The following ADSS1 variants were observed in gnomAD, a reference collection of about 807,000 sequenced individuals.
ADSS1 encodes the protein adenylosuccinate synthetase isozyme 1.
ADSS1 carries 57 observed loss-of-function variants against 59.1 expected under a neutral mutation model. That is an observed-to-expected ratio of 0.97 (90% CI 0.78 to 1.20). The LOEUF is 1.20. Ranked by LOEUF, ADSS1 falls within the 50% of genes most tolerant of loss-of-function variation. The probability of loss-of-function intolerance (pLI) is 0.00; values close to 1 mark genes in which losing one functional copy is unlikely to be tolerated. For synonymous variants in ADSS1, 247 were observed against 249.4 expected (o/e 0.99, Z 0.09); for missense variants, 603 against 610.3 (o/e 0.99, Z 0.13).
chr14:104,735,101 A>G lies in ADSS1; in HGVS notation c.274A>G (p.Thr92Ala). ...CCTGCTGCCCAGCGGCATCATCAAC[A>G]CCAAGGCCGTGTCCTTCATTGGTGA... is the stretch of plus-strand genomic sequence containing the variant. ...FHLLPSGIIN[T>A]KAVSFIGNGV... Residue 92 changes from threonine (T) to alanine (A), a missense_variant, in exon 2 of 13, where the codon ACC becomes GCC. Thr to Ala is a moderately conservative substitution (Grantham distance 58). Transcript: ENST00000330877. 6.2e-7 allele frequency: 1 copy of G among 1,611,806 alleles called. No homozygotes were observed. Among genetic ancestry groups the G allele is most frequent in the Non-Finnish European group, 8.5e-7 (1 of 1,178,838 alleles).
At chr14:104,730,573 T>G (rs1043050378) in intron 1 of ADSS1, among the ~76,000 whole-genome samples, 1 of 152,082 alleles carries the variant, frequency 6.6e-6, no homozygotes, top group Non-Finnish European at 1.5e-5. Context: ...ATAGATGATA[T>G]GGAGAGAGGT....
At chr14:104,730,291 C>G (rs945828975) in intron 1 of ADSS1, 4 of 1,364,878 alleles carry the variant, frequency 2.9e-6, no homozygotes, top group Non-Finnish European at 3.9e-6. Context: ...GTCAGGAGTT[C>G]AAGACCAGCC....
At chr14:104,724,645 C>G (rs1890668676) in intron 1 of ADSS1, among the ~76,000 whole-genome samples, 183 bp downstream of exon 1, 1 of 151,992 alleles carries the variant, frequency 6.6e-6, no homozygotes, top group South Asian at 2.1e-4. Flanking sequence ...ACACAACCCC[C>G]GACCCACACA....
chr14:104,735,077 C>G lies in ADSS1; in HGVS notation c.250C>G (p.Leu84Val), dbSNP rs1227168310. 6.2e-7 allele frequency: 1 copy of G among 1,613,340 alleles called. No individual in the cohort carries two copies. The highest frequency in any genetic ancestry group is 8.5e-7 in the Non-Finnish European group (1 of 1,179,698). Residue 84 changes from leucine to valine, a missense_variant, in exon 2 of 13, where the codon CTG (leucine) becomes GTG (valine). By Grantham distance (32) the Leu-to-Val change is conservative. Transcript: ENST00000330877. ...GGATGGGAAAGAGTACGACTTCCAC[C>G]TGCTGCCCAGCGGCATCATCAACAC... is the stretch of plus-strand genomic sequence containing the variant. Reference protein sequence around the residue: ...VVDGKEYDFHLLPSGIINTKA... With the variant: ...VVDGKEYDFHVLPSGIINTKA...
chr14:104,730,207 G>A lies in ADSS1; in HGVS notation c.193-4813G>A, dbSNP rs1366798299. On this transcript the variant is annotated intron_variant, in intron 1 of 12. Transcript: ENST00000330877. ...GAGCCGGATCCTTAACACCTGGAGG[G>A]GAGCGGGTGGGTGCGGTGGCGTACA... 3 of 1,512,838 alleles carry A rather than the reference G, an allele frequency of 2.0e-6. No individual in the cohort carries two copies. Among genetic ancestry groups the A allele is most frequent in the Non-Finnish European group, 2.7e-6 (3 of 1,122,438 alleles). 93.7% of individuals were successfully genotyped at this position (1,512,838 alleles called of 1,614,324 possible).
intron 11 of ADSS1, 36 bp from the exon 12 acceptor site, chr14:104,746,200 T>C (rs2140833321): frequency 6.3e-7 from 1 of 1,575,014 alleles, no homozygotes; most frequent in East Asian, 2.3e-5. Context: ...ATAGGAGGTC[T>C]GTGGGCCCCA....
chr14:104,743,031 G>A (rs373545490), intron 9 of ADSS1, 36 bp from the exon 10 acceptor site: 130 of 1,610,850 alleles, frequency 8.1e-5, no homozygotes, highest in African/African-American at 7.7e-4. Flanking sequence ...AGGCTCCCAC[G>A]ACAGCTCACA....
At chr14:104,729,526 G>A (rs563323522) in intron 1 of ADSS1, among the ~76,000 whole-genome samples, 10 of 128,934 alleles carry the variant, frequency 7.8e-5, no homozygotes, top group South Asian at 4.9e-4. Flanking sequence ...GGAGCGTGGC[G>A]TCGGCGTCGT....
intron 10 of ADSS1, 192 bp from the exon 11 acceptor site, chr14:104,744,620 A>G (rs1595214641): frequency 3.4e-6 from 2 of 588,370 alleles, no homozygotes; most frequent in East Asian, 5.6e-5. Flanking sequence ...TCAGGCCGTA[A>G]TGCTAGCTTG....
chr14:104,735,095 A>G lies in ADSS1; in HGVS notation c.268A>G (p.Ile90Val), dbSNP rs752819745. 4 of 1,612,912 alleles carry G rather than the reference A, an allele frequency of 2.5e-6. No individual in the cohort carries two copies. The highest frequency in any genetic ancestry group is 1.1e-5 in the South Asian group (1 of 90,932). The change falls in exon 2 of 13, where the codon ATC becomes GTC. Residue 90 changes from isoleucine to valine, a missense_variant. Physicochemically the swap from Ile to Val is conservative, Grantham distance 29 (BLOSUM62 3). Transcript: ENST00000330877. ...YDFHLLPSGI[I>V]NTKAVSFIGN... The stretch of plus-strand genomic sequence containing the variant: ...CTTCCACCTGCTGCCCAGCGGCATC[A>G]TCAACACCAAGGCCGTGTCCTTCAT...
intron 11 of ADSS1, 36 bp downstream of exon 11, chr14:104,744,945 C>T (rs1595215002): frequency 1.3e-6 from 2 of 1,593,628 alleles, no homozygotes; most frequent in Non-Finnish European, 1.7e-6. Flanking sequence ...GCCTGTTGGG[C>T]CGTTTCATGG....
chr14:104,746,537 T>C, intron 12 of ADSS1, 152 bp downstream of exon 12: 1 of 1,167,018 alleles, frequency 8.6e-7, no homozygotes, highest in Non-Finnish European at 1.2e-6. Context: ...GACTCGGAGC[T>C]GGGGCAGTGT....
At chr14:104,739,839 A>G in intron 5 of ADSS1, 23 bp downstream of exon 5, 3 of 1,612,282 alleles carry the variant, frequency 1.9e-6, no homozygotes, top group African/African-American at 2.7e-5. Flanking sequence ...GGACACTCTC[A>G]CCCTCGGGGA....
In ADSS1 at chr14:104,747,018, G is replaced by C. The variant is rs1891590317; in HGVS notation, c.*15G>C. ...AGCTGTTTTAGTCACAGACTGAGCT[G>C]ATCCCAACAGGCCCTGGCAGCGTCT... On this transcript the variant is annotated 3_prime_UTR_variant, in exon 13 of 13. Coordinates refer to ENST00000330877, the MANE Select transcript of ADSS1 (RefSeq NM_152328.5). 6.2e-7 allele frequency: 1 copy of C among 1,611,286 alleles called. No homozygotes were observed.
In ADSS1 at chr14:104,726,829, G is replaced by C. The variant is rs544752825; in HGVS notation, c.192+2367G>C. On this transcript the variant is annotated intron_variant, in intron 1 of 12. Coordinates refer to ENST00000330877, the MANE Select transcript of ADSS1 (RefSeq NM_152328.5). ...GCCGCATCTGGGAGGCAGGCTGGCT[G>C]CCAGGAGGGCTGAAGCTGCCAGCCC... Among the ~76,000 whole-genome samples, 245 of 152,354 alleles carry C rather than the reference G, an allele frequency of 1.6e-3. 2 individuals are homozygous for C. The highest frequency in any genetic ancestry group is 4.9e-4 in the Non-Finnish European group (33 of 68,018).
chr14:104,734,264 C>G (rs1271061919), intron 1 of ADSS1, among the ~76,000 whole-genome samples: 1 of 152,224 alleles, frequency 6.6e-6, no homozygotes, highest in African/African-American at 2.4e-5. Flanking sequence ...GGGACACCCA[C>G]TGGACCTGTG....
In ADSS1 at chr14:104,744,809, C is replaced by T. The variant is rs775045736; in HGVS notation, c.1074-3C>T. 6 of 1,614,014 alleles carry T rather than the reference C, an allele frequency of 3.7e-6. No homozygotes were observed. In the Admixed American group the frequency reaches 1.0e-4, roughly 27 times the overall value. On this transcript the variant is annotated splice_region_variant and splice_polypyrimidine_tract_variant and intron_variant, in intron 10 of 12. Transcript: ENST00000330877. ...GTTTGCCCGGCCCCTTGGCTTTCCA[C>T]AGGCTGGCCCTGACGAAGCTGGACA...
intron 10 of ADSS1, 183 bp downstream of exon 10, chr14:104,743,374 G>A (rs541444327): frequency 4.7e-6 from 4 of 855,938 alleles, no homozygotes; most frequent in South Asian, 1.7e-5. Flanking sequence ...TGTGCAGGGT[G>A]TGTTGGAGCC....
intron 1 of ADSS1, among the ~76,000 whole-genome samples, chr14:104,733,193 G>A (rs1316027081): frequency 6.6e-6 from 1 of 151,994 alleles, no homozygotes; most frequent in African/African-American, 2.4e-5. Context: ...CCACCTCCCA[G>A]GATCCCCACC....
Sources: gnomAD v4.1 joint callset for allele counts (sites outside exome capture counted in the v4.1 genomes callset) on GRCh38, gnomAD v4.1.1 for gene constraint, MANE v1.5 for transcripts, NCBI Gene and HGNC (gene_info 2026-07-23, HGNC 2026-07-21) for gene names.